The following USP8 variants were observed in gnomAD, a reference collection of about 807,000 sequenced individuals.
USP8 encodes the protein ubiquitin specific peptidase 8.
A neutral mutation model predicts 130.0 loss-of-function variants in USP8; 27 were observed. The observed-to-expected ratio is 0.21, with a 90% CI of 0.15 to 0.29. USP8 has a LOEUF of 0.29. Among genes scored for constraint, USP8 ranks in the 10% least tolerant of loss-of-function variants. USP8 has a pLI of 1.00. For missense variants in USP8, 1,029 were observed against 1,312.2 expected, an observed-to-expected ratio of 0.78 and a Z score of 3.33; for synonymous variants, 392 against 444.1, an observed-to-expected ratio of 0.88 and a Z score of 1.48.
chr15:50,463,345 T>C (rs2051075519), intron 6 of USP8: 1 of 152,214 alleles, frequency 6.6e-6, no homozygotes, highest in Non-Finnish European at 1.5e-5. Context: ...CTTCATCTGC[T>C]AGAGACGTTT....
chr15:50,471,440 A>G (rs1455629473), intron 7 of USP8, among the ~76,000 whole-genome samples, 193 bp from the exon 8 acceptor site: 9 of 152,174 alleles, frequency 5.9e-5, no homozygotes, highest in Non-Finnish European at 1.0e-4. Flanking sequence ...ATGTTCCAAT[A>G]TTATACAGTA....
At position 50,499,713 on chromosome 15, in the gene USP8, CTT is replaced by C. The variant is rs964448429; in HGVS notation, c.*627_*628del. On this transcript the variant is annotated 3_prime_UTR_variant, in exon 20 of 20. Coordinates refer to ENST00000307179, the MANE Select transcript of USP8 (RefSeq NM_005154.5). ...TTTATTCTAAAAAAAAAAATGGAAA[CTT>C]TAATTTTTTTAAAACGAGAATTTCA... 4 of 151,696 alleles carry C rather than the reference CTT, an allele frequency of 2.6e-5. No homozygotes were observed. The highest frequency in any genetic ancestry group is 9.7e-5 in the African/African-American group (4 of 41,298). 9.4% of individuals were successfully genotyped at this position (151,696 alleles called of 1,614,324 possible). A position where few individuals can be genotyped will look rare whatever the true frequency, so the allele number is the denominator to read the frequency against.
intron 3 of USP8, among the ~76,000 whole-genome samples, chr15:50,448,542 C>CA (rs1220375723): frequency 1.4e-5 from 2 of 148,010 alleles, no homozygotes; most frequent in African/African-American, 5.0e-5. Context: ...TTTTTTAAGA[C>CA]AGAGTTTCGT....
At chr15:50,425,363 A>G (rs2049678405) in intron 1 of USP8, among the ~76,000 whole-genome samples, 1 of 152,196 alleles carries the variant, frequency 6.6e-6, no homozygotes, top group African/African-American at 2.4e-5. Flanking sequence ...AAAAATGCCA[A>G]GTGGTATTTG....
At chr15:50,428,370 G>A (rs1424784574) in intron 1 of USP8, among the ~76,000 whole-genome samples, 3 of 152,170 alleles carry the variant, frequency 2.0e-5, no homozygotes, top group Non-Finnish European at 2.9e-5. Flanking sequence ...ACCTGCCTCG[G>A]CCTCCCAAAG....
At chr15:50,425,699 A>G (rs2141239241) in intron 1 of USP8, among the ~76,000 whole-genome samples, 1 of 152,360 alleles carries the variant, frequency 6.6e-6, no homozygotes, top group East Asian at 1.9e-4. Flanking sequence ...AATTTTGCAC[A>G]TAGACATCTG....
chr15:50,492,063 T>C (rs964604641), intron 14 of USP8, among the ~76,000 whole-genome samples: 1 of 152,164 alleles, frequency 6.6e-6, no homozygotes, highest in Admixed American at 6.5e-5. Flanking sequence ...GGTTTCACCA[T>C]GTTGGCCAGG....
chr15:50,491,141 T>G (rs777791950), intron 14 of USP8, among the ~76,000 whole-genome samples: 11 of 152,208 alleles, frequency 7.2e-5, no homozygotes, highest in Non-Finnish European at 1.5e-4. Flanking sequence ...GATAGGGCTA[T>G]GAGGAGATGA....
In USP8 at chr15:50,430,687, A is replaced by T. The variant is rs542992618; in HGVS notation, c.-66+6173A>T. 2.0e-5 allele frequency among the ~76,000 whole-genome samples: 3 copies of T among 152,284 alleles called. No homozygotes were observed. In the South Asian group the frequency reaches 6.2e-4, roughly 32 times the overall value. On this transcript the variant is annotated intron_variant, in intron 1 of 19. Transcript: ENST00000307179. ...TTAATTATCTTCCAAAACAATAGGG[A>T]TTATCAAAGTCAACATTGATGCCTT...
chr15:50,485,675 TA>T (rs1202109919), intron 12 of USP8, among the ~76,000 whole-genome samples: 1 of 141,502 alleles, frequency 7.1e-6, no homozygotes, highest in Non-Finnish European at 1.5e-5. Flanking sequence ...TAGTCTACCC[TA>T]AAGCCCAGGC....
chr15:50,452,125 G>A (rs985206107), intron 4 of USP8, among the ~76,000 whole-genome samples: 1 of 152,226 alleles, frequency 6.6e-6, no homozygotes, highest in African/African-American at 2.4e-5. Flanking sequence ...CTAGAAAATA[G>A]ATTTCAGTAT....
intron 4 of USP8, among the ~76,000 whole-genome samples, chr15:50,454,673 T>C (rs915316464): frequency 6.6e-6 from 1 of 152,168 alleles, no homozygotes; most frequent in African/African-American, 2.4e-5. Context: ...CAGGCTGGTC[T>C]CAAACTCCTG....
At chr15:50,493,939 C>T in intron 15 of USP8, 131 bp from the exon 16 acceptor site, 1 of 1,082,388 alleles carries the variant, frequency 9.2e-7, no homozygotes, top group Non-Finnish European at 1.4e-6. Flanking sequence ...GGTGAGCCTG[C>T]AAATAAATAA....
intron 3 of USP8, among the ~76,000 whole-genome samples, chr15:50,445,544 TCAAAAAAAA>T (rs2050401686): frequency 1.1e-3 from 1 of 908 alleles, no homozygotes; most frequent in Non-Finnish European, 3.6e-3. Context: ...AGAGTCTGTC[TCAAAAAAAA>T]AAAAAAAAAA....
rs1266891025 is a variant in USP8, at chr15:50,513,600, T to C, written c.*14512T>C. 1 of 146,678 alleles carries C rather than the reference T, an allele frequency of 6.8e-6. No individual in the cohort carries two copies. The highest frequency in any genetic ancestry group is 1.5e-5 in the Non-Finnish European group (1 of 66,618). The allele number at this position is 146,678 out of a possible 1,614,324, so 9.1% of individuals were successfully genotyped here. A position where few individuals can be genotyped will look rare whatever the true frequency, so the allele number is the denominator to read the frequency against. On this transcript the variant is annotated 3_prime_UTR_variant, in exon 20 of 20. Coordinates refer to ENST00000307179, the MANE Select transcript of USP8 (RefSeq NM_005154.5). The stretch of plus-strand genomic sequence containing the variant: ...TGTACACTCAAGATTTAAAAAGAAC[T>C]ACAATTCCATAAGAAAAAGGCAGGC...
At chr15:50,493,438 G>C (rs368471373) in intron 15 of USP8, 1 of 519,078 alleles carries the variant, frequency 1.9e-6, no homozygotes, top group African/African-American at 1.9e-5. Context: ...AATTAGGAAA[G>C]GGGAAAATAT....
intron 1 of USP8, among the ~76,000 whole-genome samples, chr15:50,431,523 T>C (rs749145214): frequency 6.6e-6 from 1 of 152,206 alleles, no homozygotes; most frequent in Non-Finnish European, 1.5e-5. Flanking sequence ...TAAATTCAGC[T>C]GACAGGGAGA....
chr15:50,475,051 A>G (rs1437042918), intron 8 of USP8, among the ~76,000 whole-genome samples: 2 of 152,186 alleles, frequency 1.3e-5, no homozygotes, highest in Non-Finnish European at 2.9e-5. Flanking sequence ...AGAGGTTGCA[A>G]TGAGCCGAGA....
intron 16 of USP8, 106 bp from the exon 17 acceptor site, chr15:50,495,742 T>C: frequency 1.1e-6 from 1 of 873,778 alleles, no homozygotes; most frequent in Non-Finnish European, 1.8e-6. Context: ...TTATGAGAAC[T>C]ACAGGTGTTT....
Sources: gnomAD v4.1 joint callset for allele counts (sites outside exome capture counted in the v4.1 genomes callset) on GRCh38, gnomAD v4.1.1 for gene constraint, MANE v1.5 for transcripts, NCBI Gene and HGNC (gene_info 2026-07-23, HGNC 2026-07-21) for gene names.